CXXC5: variants seen among roughly 807,000 people sequenced by gnomAD.
CXXC5 encodes CXXC-type zinc finger protein 5.
A neutral mutation model predicts 17.6 loss-of-function variants in CXXC5; 2 were observed. That is an observed-to-expected ratio of 0.11 (90% CI 0.05 to 0.36). CXXC5 has a LOEUF of 0.36. Among genes scored for constraint, CXXC5 ranks in the 10% least tolerant of loss-of-function variants. CXXC5 has a pLI of 1.00. For missense variants in CXXC5, 343 were observed against 458.3 expected (o/e 0.75, Z 2.30); for synonymous variants, 171 against 193.0 (o/e 0.89, Z 0.94).
At chr5:139,660,637 C>T (rs867923214) in intron 1 of CXXC5, among the ~76,000 whole-genome samples, 2 of 151,896 alleles carry the variant, frequency 1.3e-5, no homozygotes, top group South Asian at 2.1e-4. Flanking sequence ...GAGGGGGATA[C>T]GCTGCCCCAA....
chr5:139,651,912 A>G (rs1303570705), intron 1 of CXXC5, among the ~76,000 whole-genome samples: 1 of 152,130 alleles, frequency 6.6e-6, no homozygotes, highest in Non-Finnish European at 1.5e-5. Context: ...CCCACTCTTT[A>G]TATGTTATTC....
rs929969180 is a variant in CXXC5 at position 139,680,421 on chromosome 5, C to A, written c.-103C>A. On this transcript the variant is annotated 5_prime_UTR_variant, in exon 2 of 3. Transcript: ENST00000302517. ...TGTGCCTGCCCTGAGCAGCGAGGCC[C>A]ACCAGGCATCTCTGTTGTGGGCAGC... 6.9e-7 allele frequency: 1 copy of A among 1,442,222 alleles called. No homozygotes were observed. The highest frequency in any genetic ancestry group is 1.4e-5 in the South Asian group (1 of 69,278). 89.3% of individuals were successfully genotyped at this position (1,442,222 alleles called of 1,614,324 possible).
chr5:139,655,762 C>T (rs1356746167), intron 1 of CXXC5, among the ~76,000 whole-genome samples: 1 of 151,916 alleles, frequency 6.6e-6, no homozygotes, highest in Non-Finnish European at 1.5e-5. Flanking sequence ...CCCTCCCCCA[C>T]CAGCTGTGCC....
intron 1 of CXXC5, among the ~76,000 whole-genome samples, chr5:139,667,131 G>A (rs1756152809): frequency 6.6e-6 from 1 of 152,170 alleles, no homozygotes; most frequent in South Asian, 2.1e-4. Context: ...ACTCTGATGT[G>A]GTCTGTAGTT....
rs372797927 is a variant in CXXC5, at chr5:139,663,840, C to T, written c.-161+14995C>T. Among the ~76,000 whole-genome samples, 3 of 152,306 alleles carry T rather than the reference C, an allele frequency of 2.0e-5. No individual in the cohort carries two copies. The highest frequency in any genetic ancestry group is 3.9e-4 in the East Asian group (2 of 5,194). ...CACATAGGTCCTCTCCAGGACCTGA[C>T]GAGGTGGGGGCTGTCAGCGGCTGCA... On this transcript the variant is annotated intron_variant, in intron 1 of 2. Transcript: ENST00000302517. The surrounding 1 kb of genome is among the most constrained non-coding windows in gnomAD (Gnocchi z 4.2).
At chr5:139,673,103 T>C (rs1347097633) in intron 1 of CXXC5, among the ~76,000 whole-genome samples, 1 of 152,104 alleles carries the variant, frequency 6.6e-6, no homozygotes, top group Non-Finnish European at 1.5e-5. Context: ...ACTACAAGAT[T>C]CAGGGGATCC....
chr5:139,664,024 GC>G (rs1755963416), intron 1 of CXXC5, among the ~76,000 whole-genome samples: 1 of 152,126 alleles, frequency 6.6e-6, no homozygotes, highest in Non-Finnish European at 1.5e-5. Flanking sequence ...GGCTCCCCTC[GC>G]CCCATTACAC....
intron 1 of CXXC5, among the ~76,000 whole-genome samples, chr5:139,665,056 G>T (rs1388078271): frequency 6.6e-6 from 1 of 152,246 alleles, no homozygotes; most frequent in Non-Finnish European, 1.5e-5. Context: ...TTCTGGGAAG[G>T]AGATGGTGCC....
intron 1 of CXXC5, among the ~76,000 whole-genome samples, chr5:139,652,947 A>G (rs1197254973): frequency 2.0e-5 from 3 of 152,104 alleles, no homozygotes; most frequent in Admixed American, 2.0e-4. Flanking sequence ...TCTGTGCTGT[A>G]TGGACAGTGG....
At chr5:139,665,833 AC>A (rs2126778038) in intron 1 of CXXC5, 1 of 152,322 alleles carries the variant, frequency 6.6e-6, no homozygotes, top group East Asian at 1.9e-4. Flanking sequence ...CAAAGGGCAG[AC>A]CAGTGTCCTG....
chr5:139,683,249 A>C lies in CXXC5; in HGVS notation c.*342A>C. On this transcript the variant is annotated 3_prime_UTR_variant, in exon 3 of 3. Transcript: ENST00000302517. ...GATGTCGATGTTGTCTGTGCAGGAG[A>C]TGCAGTTTTTGTGTAGAGAATGTAA... The C allele has an allele frequency of 4.6e-6, 1 of 217,276 alleles. No homozygotes were observed. The highest frequency in any genetic ancestry group is 8.9e-6 in the Non-Finnish European group (1 of 111,892). 13.5% of individuals were successfully genotyped at this position (217,276 alleles called of 1,614,324 possible).
Position 139,668,849 on chromosome 5 carries a change from A to G in CXXC5, c.-160-11515A>G, listed in dbSNP as rs1561540696. On this transcript the variant is annotated intron_variant, in intron 1 of 2. Transcript: ENST00000302517. The surrounding 1 kb of genome is among the most constrained non-coding windows in gnomAD (Gnocchi z 4.1). ...TTCCTCTTGGCTTTGCCACAAACAC[A>G]GTGACCTTATGTAGAGTCCTTAGCC... 1.3e-5 allele frequency among the ~76,000 whole-genome samples: 2 copies of G among 152,124 alleles called. No homozygotes were observed. Among genetic ancestry groups the G allele is most frequent in the Non-Finnish European group, 2.9e-5 (2 of 68,024 alleles).
In CXXC5 at chr5:139,680,711, G is replaced by A. The variant is rs763354364; in HGVS notation, c.188G>A (p.Gly63Asp). ...CCCCCCGAGCGTCGGAACAAGAGCG[G>A]TATCATCAGTGAGCCCCTCAACAAG... ...TPPPERRNKSGIISEPLNKSL... is the reference protein window; with the variant it reads ...TPPPERRNKSDIISEPLNKSL... The change falls in exon 2 of 3, where the codon GGT becomes GAT. Residue 63 changes from glycine (G) to aspartate (D), a missense_variant. Physicochemically the swap from Gly to Asp is moderately conservative, Grantham distance 94. Around this residue, in one of 4 missense-constraint regions of CXXC5, gnomAD observed 297 missense variants for 363.4 expected, o/e 0.82. Coordinates refer to ENST00000302517, the MANE Select transcript of CXXC5 (RefSeq NM_016463.9). 1.9e-6 allele frequency: 3 copies of A among 1,613,472 alleles called. No individual in the cohort carries two copies. The highest frequency in any genetic ancestry group is 2.5e-6 in the Non-Finnish European group (3 of 1,180,018).
chr5:139,676,004 G>A (rs1244526200), intron 1 of CXXC5, among the ~76,000 whole-genome samples: 1 of 132,350 alleles, frequency 7.6e-6, no homozygotes, highest in Non-Finnish European at 1.7e-5. Flanking sequence ...GGTGGCCCCA[G>A]GTATGAGTCT....
At position 139,682,382 on chromosome 5, in the gene CXXC5, A is replaced by G. The variant is rs1301025443; in HGVS notation, c.925-481A>G. 2.2e-5 allele frequency among the ~76,000 whole-genome samples: 3 copies of G among 134,076 alleles called. No individual in the cohort carries two copies. In the Admixed American group the frequency reaches 2.5e-4, roughly 11 times the overall value. The allele number at this position is 134,076 out of a possible 152,430, so 88.0% of individuals were successfully genotyped here. ...CTTCCATTTCTGCTCTCCTATGTAC[A>G]CACAAAGGCACCCACTTTAGTCCAG... On this transcript the variant is annotated intron_variant, in intron 2 of 2. Transcript: ENST00000302517.
At chr5:139,647,662 C>T (rs375095066), upstream of CXXC5, among the ~76,000 whole-genome samples, 5 of 152,180 alleles carry the variant, frequency 3.3e-5, no homozygotes, top group Non-Finnish European at 5.9e-5. Context: ...GGTCTCAGGG[C>T]ACCAAATGTA....
intron 1 of CXXC5, among the ~76,000 whole-genome samples, chr5:139,669,643 C>T (rs1756336973): frequency 6.6e-6 from 1 of 152,168 alleles, no homozygotes; most frequent in Non-Finnish European, 1.5e-5. Context: ...TCTTCCCAGC[C>T]TTGTGTGACC....
chr5:139,669,036 G>A (rs1454519643), intron 1 of CXXC5, among the ~76,000 whole-genome samples: 2 of 152,192 alleles, frequency 1.3e-5, no homozygotes, highest in African/African-American at 2.4e-5. Context: ...TTACTGCCAT[G>A]AGCCCTGGAT....
chr5:139,652,491 G>C (rs749974762), intron 1 of CXXC5, among the ~76,000 whole-genome samples: 1 of 152,186 alleles, frequency 6.6e-6, no homozygotes, highest in Non-Finnish European at 1.5e-5. Context: ...TCAGCTGACA[G>C]AGATGAGGCT....
Sources: gnomAD v4.1 joint callset for allele counts (sites outside exome capture counted in the v4.1 genomes callset) on GRCh38, gnomAD v4.1.1 for gene constraint, gnomAD v4.1.1 regional missense constraint, Gnocchi (gnomAD v3.1) non-coding constraint, MANE v1.5 for transcripts, NCBI Gene and HGNC (gene_info 2026-07-23, HGNC 2026-07-21) for gene names.